CPS1: variants seen among roughly 807,000 people sequenced by gnomAD.
The protein encoded by CPS1 is carbamoyl-phosphate synthase [ammonia], mitochondrial.
Under a neutral mutation model 174.6 loss-of-function variants are expected in CPS1, and 109 were observed. The observed-to-expected ratio is 0.62, with a 90% CI of 0.53 to 0.73. The LOEUF (loss-of-function observed/expected upper bound fraction) is 0.73. Ranked by LOEUF, CPS1 falls within the 30% of genes least tolerant of loss-of-function variation. The pLI, the probability that CPS1 is intolerant of heterozygous loss-of-function variation, is 0.00. For synonymous variants in CPS1, 637 were observed against 632.0 expected (o/e 1.01, Z -0.12); for missense variants, 1,689 against 1,821.9 (o/e 0.93, Z 1.33).
chr2:210,535,404 C>T (rs777375135), intron 1 of CPS1, among the ~76,000 whole-genome samples: 1 of 152,130 alleles, frequency 6.6e-6, no homozygotes, highest in African/African-American at 2.4e-5. Flanking sequence ...TTCTATCTAC[C>T]TTTTTGCATT....
intron 21 of CPS1, among the ~76,000 whole-genome samples, chr2:210,624,429 C>G (rs950898204): frequency 1.3e-5 from 2 of 152,006 alleles, no homozygotes; most frequent in Non-Finnish European, 2.9e-5. Flanking sequence ...ATATAATGAA[C>G]CTCTTCAGGT....
At chr2:210,558,354 C>T (rs1277924584) in intron 1 of CPS1, among the ~76,000 whole-genome samples, 1 of 151,822 alleles carries the variant, frequency 6.6e-6, no homozygotes, top group Non-Finnish European at 1.5e-5. Context: ...GGCATTATGT[C>T]TAGTTATATA....
intron 1 of CPS1, among the ~76,000 whole-genome samples, chr2:210,526,933 T>C (rs1199901411): frequency 6.6e-6 from 1 of 151,962 alleles, no homozygotes; most frequent in Non-Finnish European, 1.5e-5. Context: ...ATTTGGTAAA[T>C]GCCAAAATCT....
intron 29 of CPS1, 51 bp from the exon 30 acceptor site, chr2:210,656,474 G>C: frequency 7.4e-7 from 1 of 1,344,986 alleles, no homozygotes; most frequent in South Asian, 1.2e-5. Flanking sequence ...CTTCCTTGAA[G>C]GAAGTACCTG....
In CPS1 at chr2:210,590,873, G is replaced by A; in HGVS notation, c.914G>A (p.Gly305Asp). 6.2e-7 allele frequency: 1 copy of A among 1,611,264 alleles called. No individual in the cohort carries two copies. Among genetic ancestry groups the A allele is most frequent in the Non-Finnish European group, 8.5e-7 (1 of 1,178,218 alleles). ...AACTTAATAACAGGATTGGCTGCTG[G>A]TGCCAAAACCTACAAGATGTCCATG... ...TGNLITGLAA[G>D]AKTYKMSMAN... is the part of the protein sequence containing the mutation. Residue 305 changes from glycine (G) to aspartate (D), a missense_variant, in exon 9 of 38, where the codon GGT becomes GAT. By Grantham distance (94) the Gly-to-Asp change is moderately conservative (BLOSUM62 -1). Coordinates refer to ENST00000233072, the MANE Select transcript of CPS1 (RefSeq NM_001875.5).
chr2:210,523,118 A>T (rs1014664799), intron 1 of CPS1, among the ~76,000 whole-genome samples: 1 of 151,992 alleles, frequency 6.6e-6, no homozygotes, highest in African/African-American at 2.4e-5. Flanking sequence ...CTCTTTTCTT[A>T]TCTAAGCCTC....
intron 1 of CPS1, among the ~76,000 whole-genome samples, chr2:210,565,634 G>C (rs1697277295): frequency 6.6e-6 from 1 of 152,116 alleles, no homozygotes; most frequent in Admixed American, 6.5e-5. Context: ...TTTGTTTTAT[G>C]AGATTCAAAC....
At chr2:210,674,676 G>A in intron 34 of CPS1, 3 of 569,422 alleles carry the variant, frequency 5.3e-6, no homozygotes, top group Non-Finnish European at 9.5e-6. Context: ...AGAACAAGGT[G>A]AAAAGCAGGG....
intron 21 of CPS1, among the ~76,000 whole-genome samples, chr2:210,625,451 T>C (rs900712136): frequency 6.6e-6 from 1 of 152,070 alleles, no homozygotes; most frequent in Non-Finnish European, 1.5e-5. Context: ...CTCATACAAG[T>C]CTCGATGTAC....
intron 19 of CPS1, among the ~76,000 whole-genome samples, chr2:210,609,987 A>G (rs779958409): frequency 5.3e-5 from 8 of 152,004 alleles, no homozygotes; most frequent in Non-Finnish European, 1.2e-4. Flanking sequence ...TAACAAATCA[A>G]CAAATTGGCC....
chr2:210,665,305 G>GT (rs565752800), intron 33 of CPS1, among the ~76,000 whole-genome samples: 46 of 148,012 alleles, frequency 3.1e-4, no homozygotes, highest in East Asian at 7.9e-4. Flanking sequence ...GCCATCAGTG[G>GT]TTTTTTTTTT....
At chr2:210,569,941 C>T (rs191833499) in intron 1 of CPS1, among the ~76,000 whole-genome samples, 64 of 152,002 alleles carry the variant, frequency 4.2e-4, no homozygotes, top group Middle Eastern at 6.8e-3. Flanking sequence ...CCTCTGTCAA[C>T]GAGGACTGAG....
chr2:210,506,117 A>C (rs1335115012), intron 1 of CPS1, among the ~76,000 whole-genome samples: 1 of 152,136 alleles, frequency 6.6e-6, no homozygotes, highest in Non-Finnish European at 1.5e-5. Context: ...CGAATAGCCT[A>C]ACTGGGAGGC....
At chr2:210,502,012 G>A (rs1466026629) in intron 1 of CPS1, among the ~76,000 whole-genome samples, 1 of 152,062 alleles carries the variant, frequency 6.6e-6, no homozygotes, top group African/African-American at 2.4e-5. Context: ...ATTATGGCAG[G>A]AGGCACCTCC....
At chr2:210,552,247 A>G (rs1260437477), upstream of CPS1, among the ~76,000 whole-genome samples, 1 of 151,756 alleles carries the variant, frequency 6.6e-6, no homozygotes, top group African/African-American at 2.4e-5. Flanking sequence ...GCTTTAATGT[A>G]TCTCTTCAAA....
intron 34 of CPS1, chr2:210,674,644 A>G (rs1701459937): frequency 3.9e-6 from 2 of 515,288 alleles, no homozygotes; most frequent in Non-Finnish European, 3.5e-6. Context: ...CAAGTAGATT[A>G]AATAGAGAAT....
chr2:210,576,199 C>T, intron 2 of CPS1, 147 bp from the exon 3 acceptor site: 1 of 934,516 alleles, frequency 1.1e-6, no homozygotes, highest in East Asian at 2.5e-5. Context: ...TCTGTCATAA[C>T]ATTTCCCCAG....
In CPS1 at chr2:210,591,987, A is replaced by G. The variant is rs1698318975; in HGVS notation, c.1086+18A>G. On this transcript the variant is annotated intron_variant, in intron 10 of 37. Transcript: ENST00000233072. The stretch of plus-strand genomic sequence containing the variant: ...CAAATGAGGTAAATGATGTCAATAA[A>G]CCTGTTCAGTTGGTGATGAGAAACG... 1.2e-6 allele frequency: 2 copies of G among 1,608,264 alleles called. No homozygotes were observed. Among genetic ancestry groups the G allele is most frequent in the South Asian group, 1.1e-5 (1 of 90,752 alleles).
intron 1 of CPS1, among the ~76,000 whole-genome samples, chr2:210,526,837 TTGAAA>T (rs1344505131): frequency 2.6e-5 from 4 of 152,010 alleles, no homozygotes; most frequent in African/African-American, 4.8e-5. Context: ...AAGCATAGTA[TTGAAA>T]TGAAAACAGA....
Sources: allele counts gnomAD v4.1 joint callset (sites outside exome capture counted in the v4.1 genomes callset), GRCh38; gene constraint gnomAD v4.1.1; transcripts MANE v1.5; gene names NCBI Gene and HGNC (gene_info 2026-07-23, HGNC 2026-07-21).